KLF8: variants seen among roughly 807,000 people sequenced by gnomAD.
KLF8 encodes KLF transcription factor 8.
KLF8 carries 10 observed loss-of-function variants against 18.2 expected under a neutral mutation model. The ratio of observed to expected loss-of-function variants is 0.55; its 90% CI spans 0.34 to 0.93. The LOEUF (loss-of-function observed/expected upper bound fraction) is 0.93, where lower values mean the gene tolerates loss of function less well. KLF8 is among the 40% of genes least tolerant of loss of function. The probability of loss-of-function intolerance (pLI) is 0.02; values close to 1 mark genes in which losing one functional copy is unlikely to be tolerated. For synonymous variants in KLF8, 109 were observed against 97.3 expected, an observed-to-expected ratio of 1.12 and a Z score of -0.71; for missense variants, 264 against 277.9, an observed-to-expected ratio of 0.95 and a Z score of 0.36.
intron 2 of KLF8, among the ~76,000 whole-genome samples, chrX:56,254,112 A>G (rs1224379935): frequency 9.0e-6 from 1 of 111,205 alleles, no homozygotes; most frequent in Non-Finnish European, 1.9e-5. Context: ...CACTGCGCCC[A>G]GACAAGAATG....
chrX:56,277,105 T>C (rs1569191483), intron 5 of KLF8, among the ~76,000 whole-genome samples: 1 of 112,209 alleles, frequency 8.9e-6, no homozygotes, highest in Non-Finnish European at 1.9e-5. Context: ...CCTCAAAACA[T>C]ATTTTGAATT....
At chrX:56,120,095 G>A in the KLF8 span, among the ~76,000 whole-genome samples, 1 of 110,897 alleles carries the variant, frequency 9.0e-6, no homozygotes, top group Non-Finnish European at 1.9e-5. Context: ...CAGTATGCTT[G>A]CAGTGCAAAT....
chrX:56,189,218 A>G, the KLF8 span, among the ~76,000 whole-genome samples: 1 of 112,094 alleles, frequency 8.9e-6, no homozygotes, highest in South Asian at 3.7e-4. Context: ...AAGGACATGA[A>G]CAGACACTTC....
chrX:55,980,306 C>T, the KLF8 span, among the ~76,000 whole-genome samples: 3 of 111,964 alleles, frequency 2.7e-5, no homozygotes, highest in African/African-American at 9.7e-5. Flanking sequence ...ACAAGTGTTA[C>T]CTCATTTAAT....
chrX:56,158,138 A>C, the KLF8 span, among the ~76,000 whole-genome samples: 1 of 111,858 alleles, frequency 8.9e-6, no homozygotes, highest in African/African-American at 3.2e-5. Context: ...ACCATTTATT[A>C]AATAGGGAAT....
At chrX:56,034,444 G>A in the KLF8 span, among the ~76,000 whole-genome samples, 1 of 111,732 alleles carries the variant, frequency 8.9e-6, no homozygotes, top group Non-Finnish European at 1.9e-5. Context: ...AAATCAGATA[G>A]TGCCTCCAGC....
the KLF8 span, among the ~76,000 whole-genome samples, chrX:56,181,796 C>A: frequency 4.7e-4 from 49 of 104,729 alleles, no homozygotes; most frequent in Non-Finnish European, 8.8e-4. Context: ...TGCTCCCCCC[C>A]CTTCTGGCTT....
At chrX:56,027,760 A>T in the KLF8 span, among the ~76,000 whole-genome samples, 1 of 112,510 alleles carries the variant, frequency 8.9e-6, no homozygotes, top group African/African-American at 3.2e-5. Flanking sequence ...ACTGAGTCCA[A>T]CACCTCTACA....
At chrX:55,943,672 G>A in the KLF8 span, among the ~76,000 whole-genome samples, 1 of 112,235 alleles carries the variant, frequency 8.9e-6, no homozygotes, top group Non-Finnish European at 1.9e-5. Flanking sequence ...ATGTTGTTCA[G>A]TGTAAGGCTA....
the KLF8 span, among the ~76,000 whole-genome samples, chrX:56,171,829 A>T: frequency 8.9e-6 from 1 of 111,903 alleles, no homozygotes; most frequent in Non-Finnish European, 1.9e-5. Context: ...GCTGCAATAA[A>T]CATACGTGTG....
chrX:56,249,455 A>G (rs1332664373), intron 1 of KLF8, among the ~76,000 whole-genome samples: 1 of 112,261 alleles, frequency 8.9e-6, no homozygotes, highest in African/African-American at 3.2e-5. Context: ...CTTTAGGCTG[A>G]ACTTGAAATA....
rs911437679 is a variant in KLF8 at position 56,240,150 on chromosome X, C to T, written c.7+6809C>T. 6.2e-5 allele frequency among the ~76,000 whole-genome samples: 7 copies of T among 112,153 alleles called. No homozygotes were observed. In the East Asian group the frequency reaches 1.7e-3, roughly 27 times the overall value. ...TAAAAGAATAATAACATACTTATTC[C>T]TTAATTTTGTAGCTAGATCCTAGAA... On this transcript the variant is annotated intron_variant, in intron 1 of 5. Coordinates refer to ENST00000468660, the MANE Select transcript of KLF8 (RefSeq NM_007250.5).
At chrX:56,234,524 T>G (rs1039682324) in intron 1 of KLF8, among the ~76,000 whole-genome samples, 3 of 112,483 alleles carry the variant, frequency 2.7e-5, no homozygotes, top group Non-Finnish European at 5.6e-5. Flanking sequence ...TTAAAACACC[T>G]TCCAGATGTG....
At chrX:56,047,414 C>G in the KLF8 span, among the ~76,000 whole-genome samples, 1 of 99,998 alleles carries the variant, frequency 1.0e-5, no homozygotes, top group Admixed American at 1.1e-4. Flanking sequence ...TATCCCTCCC[C>G]CCTCCCCCAC....
At chrX:55,911,562 T>C in the KLF8 span, among the ~76,000 whole-genome samples, 1 of 111,535 alleles carries the variant, frequency 9.0e-6, no homozygotes, top group Non-Finnish European at 1.9e-5. Context: ...GCACTGTGCT[T>C]CCCCCAAGTC....
the KLF8 span, chrX:55,908,335 C>T: frequency 5.3e-5 from 15 of 283,757 alleles, no homozygotes; most frequent in Non-Finnish European, 9.2e-5. Flanking sequence ...ATTATGTCCG[C>T]CAGCCTAAGT....
At chrX:55,961,598 T>G in the KLF8 span, 1 of 472,086 alleles carries the variant, frequency 2.1e-6, no homozygotes, top group East Asian at 4.0e-5. Context: ...GTGCATACCA[T>G]TTCTGGAACT....
the KLF8 span, among the ~76,000 whole-genome samples, chrX:55,938,588 T>C: frequency 7.2e-3 from 794 of 110,930 alleles, 7 homozygotes; most frequent in Middle Eastern, 0.098. Context: ...GCAAATTGGA[T>C]AAAGAGTCAA....
At chrX:56,084,696 G>A in the KLF8 span, among the ~76,000 whole-genome samples, 1 of 112,052 alleles carries the variant, frequency 8.9e-6, no homozygotes, top group Non-Finnish European at 1.9e-5. Context: ...TAATAATTTT[G>A]CTTGTTTTAA....
Sources: gnomAD v4.1 joint callset for allele counts (sites outside exome capture counted in the v4.1 genomes callset) on GRCh38, gnomAD v4.1.1 for gene constraint, MANE v1.5 for transcripts, NCBI Gene and HGNC (gene_info 2026-07-23, HGNC 2026-07-21) for gene names.